ANKRD62: variants seen among roughly 807,000 people sequenced by gnomAD.
ANKRD62 encodes ankyrin repeat domain-containing protein 62.
Under a neutral mutation model 98.8 loss-of-function variants are expected in ANKRD62, and 61 were observed. The ratio of observed to expected loss-of-function variants is 0.62; its 90% confidence interval spans 0.50 to 0.76. The LOEUF (loss-of-function observed/expected upper bound fraction) is 0.76. Among genes scored for constraint, ANKRD62 ranks in the 30% least tolerant of loss-of-function variants. The probability of loss-of-function intolerance (pLI) is 0.00; values close to 1 mark genes in which losing one functional copy is unlikely to be tolerated. For synonymous variants in ANKRD62, 341 were observed against 367.9 expected (o/e 0.93, Z 0.84); for missense variants, 933 against 1,082.9 (o/e 0.86, Z 1.94).
At chr18:12,120,781 A>G (rs1466186581) in intron 10 of ANKRD62, among the ~76,000 whole-genome samples, 4 of 152,016 alleles carry the variant, frequency 2.6e-5, no homozygotes. Context: ...GGTTTTTTAT[A>G]TGTAACTCTT....
chr18:12,099,905 C>T (rs941687495), intron 6 of ANKRD62, among the ~76,000 whole-genome samples: 15 of 151,640 alleles, frequency 9.9e-5, no homozygotes, highest in African/African-American at 3.4e-4. Context: ...AACTCATTAT[C>T]GTAGTTTCTG....
At chr18:12,153,905 T>C in the ANKRD62 span, among the ~76,000 whole-genome samples, 1 of 152,244 alleles carries the variant, frequency 6.6e-6, no homozygotes, top group Non-Finnish European at 1.5e-5. Context: ...GCTAGCCATA[T>C]GCAAAAGATT....
the ANKRD62 span, among the ~76,000 whole-genome samples, chr18:12,162,210 A>G: frequency 3.3e-5 from 5 of 152,102 alleles, no homozygotes; most frequent in Non-Finnish European, 7.4e-5. Context: ...GATAAAAGCC[A>G]TTTTAACTGG....
At chr18:12,115,285 C>T in intron 9 of ANKRD62, 108 bp from the exon 10 acceptor site, 2 of 1,290,494 alleles carry the variant, frequency 1.5e-6, no homozygotes, top group South Asian at 1.8e-5. Context: ...TTAAGAAGTA[C>T]CTGTGTTTTT....
intron 2 of ANKRD62, 64 bp from the exon 3 acceptor site, chr18:12,095,373 G>A: frequency 6.5e-7 from 1 of 1,534,942 alleles, no homozygotes; most frequent in Non-Finnish European, 8.8e-7. Context: ...AATGTGACTA[G>A]TTGGTGAATC....
chr18:12,146,347 C>T, the ANKRD62 span, among the ~76,000 whole-genome samples: 31 of 152,252 alleles, frequency 2.0e-4, no homozygotes, highest in East Asian at 3.9e-3. Flanking sequence ...TTAGCCATTT[C>T]GGCCTTCAGT....
the ANKRD62 span, among the ~76,000 whole-genome samples, chr18:12,154,545 G>A: frequency 6.6e-6 from 1 of 152,130 alleles, no homozygotes; most frequent in African/African-American, 2.4e-5. Context: ...TGAGTCCTCA[G>A]AAAGCTAAAA....
the ANKRD62 span, among the ~76,000 whole-genome samples, chr18:12,137,550 A>G: frequency 6.6e-6 from 1 of 152,198 alleles, no homozygotes; most frequent in African/African-American, 2.4e-5. Flanking sequence ...TATCAGGATG[A>G]TGCTGGCCTC....
downstream of ANKRD62, among the ~76,000 whole-genome samples, chr18:12,134,340 A>T (rs543984920): frequency 6.6e-6 from 1 of 152,304 alleles, no homozygotes; most frequent in African/African-American, 2.4e-5. Context: ...CCCTATTGAC[A>T]TAACTATAGT....
chr18:12,155,474 T>C, the ANKRD62 span, among the ~76,000 whole-genome samples: 1,606 of 152,280 alleles, frequency 0.011, 23 homozygotes, highest in African/African-American at 0.036. Context: ...TTCTGACTCC[T>C]GTGGTTCTAG....
intron 8 of ANKRD62, among the ~76,000 whole-genome samples, chr18:12,112,019 A>C (rs886476347): frequency 6.7e-6 from 1 of 149,656 alleles, no homozygotes. Context: ...CTGAGGCAAG[A>C]GAGTTGCTGG....
At chr18:12,140,196 A>G in the ANKRD62 span, among the ~76,000 whole-genome samples, 7 of 152,164 alleles carry the variant, frequency 4.6e-5, no homozygotes, top group African/African-American at 1.4e-4. Context: ...TTTCAGCTCC[A>G]TCAGGTCCTT....
In ANKRD62 at chr18:12,093,987, C is replaced by T; in HGVS notation, c.-31C>T. The T allele has an allele frequency of 6.5e-7, 1 of 1,533,042 alleles. No individual in the cohort carries two copies. 95.0% of individuals were successfully genotyped at this position (1,533,042 alleles called of 1,614,324 possible). On this transcript the variant is annotated 5_prime_UTR_variant, in exon 1 of 14. Transcript: ENST00000587848. ...GAGCTGAGGTGTCTTAAAGCCGTTCCTCAGCCTGGGAGAAGATCTCTGGCT... is the reference window on the plus strand; with the variant it reads ...GAGCTGAGGTGTCTTAAAGCCGTTCTTCAGCCTGGGAGAAGATCTCTGGCT...
chr18:12,110,495 GT>G (rs1395994562), intron 8 of ANKRD62, among the ~76,000 whole-genome samples: 2 of 152,132 alleles, frequency 1.3e-5, no homozygotes, highest in Non-Finnish European at 2.9e-5. Flanking sequence ...AACATACTAG[GT>G]AATTAATCAT....
the ANKRD62 span, among the ~76,000 whole-genome samples, chr18:12,170,958 CTT>C: frequency 0.29 from 39,711 of 137,176 alleles, 5,301 homozygotes; most frequent in Middle Eastern, 0.36. Flanking sequence ...GCAACCCCTG[CTT>C]TTTTTTTTTT....
In ANKRD62 at chr18:12,122,401, C is replaced by A. The variant is rs1909800047; in HGVS notation, c.1339C>A (p.Gln447Lys). ...CTGTGAACGACTTAAAGTAAAATTT[C>A]AAAAAATGAAAAATAATATTAGCGT... ...CYCERLKVKFQKMKNNISVLQ... is the reference protein window; with the variant it reads ...CYCERLKVKFKKMKNNISVLQ... Residue 447 changes from glutamine (Q) to lysine (K), a missense_variant, in exon 11 of 14, where the codon CAA becomes AAA. By Grantham distance (53) the Gln-to-Lys change is moderately conservative (BLOSUM62 1). This residue lies in a region of ANKRD62 where 549 missense variants were observed against 587.9 expected (regional missense o/e 0.93). Transcript: ENST00000587848. 2.0e-6 allele frequency: 3 copies of A among 1,534,772 alleles called. No homozygotes were observed. The highest frequency in any genetic ancestry group is 2.6e-6 in the Non-Finnish European group (3 of 1,146,356).
At chr18:12,138,968 G>A in the ANKRD62 span, among the ~76,000 whole-genome samples, 97 of 152,136 alleles carry the variant, frequency 6.4e-4, 2 homozygotes, top group Non-Finnish European at 1.6e-4. Context: ...CCTGAATACA[G>A]CACACTGATG....
At chr18:12,152,746 T>G in the ANKRD62 span, among the ~76,000 whole-genome samples, 1 of 151,960 alleles carries the variant, frequency 6.6e-6, no homozygotes, top group Non-Finnish European at 1.5e-5. Flanking sequence ...ATCAAACAAA[T>G]AAATAAAGGG....
At chr18:12,158,036 G>A in the ANKRD62 span, among the ~76,000 whole-genome samples, 6 of 152,220 alleles carry the variant, frequency 3.9e-5, no homozygotes, top group South Asian at 2.1e-4. Context: ...CCCTTCCAGC[G>A]TCAGGTTTGG....
Sources: gnomAD v4.1 joint callset for allele counts (sites outside exome capture counted in the v4.1 genomes callset) on GRCh38, gnomAD v4.1.1 for gene constraint, gnomAD v4.1.1 regional missense constraint, MANE v1.5 for transcripts, NCBI Gene and HGNC (gene_info 2026-07-23, HGNC 2026-07-21) for gene names.